Variants in DOCK1 observed in about 807,000 individuals in gnomAD.
DOCK1 encodes the protein dedicator of cytokinesis protein 1.
A neutral mutation model predicts 262.7 loss-of-function variants in DOCK1; 138 were observed. The observed-to-expected ratio is 0.53, with a 90% CI of 0.46 to 0.61. The LOEUF is 0.61. DOCK1 is among the 20% of genes least tolerant of loss of function. The pLI is 0.00. For synonymous variants in DOCK1, 866 were observed against 867.4 expected (o/e 1.00, Z 0.03); for missense variants, 1,908 against 2,370.7 (o/e 0.80, Z 4.05).
At chr10:127,418,641 T>C in intron 45 of DOCK1, 100 bp downstream of exon 45, 4 of 1,403,774 alleles carry the variant, frequency 2.8e-6, no homozygotes, top group Non-Finnish European at 3.8e-6. Flanking sequence ...CCTGGTCTCA[T>C]TGAGCAATCT....
chr10:127,341,194 A>G (rs2063409654), intron 30 of DOCK1, among the ~76,000 whole-genome samples: 1 of 152,182 alleles, frequency 6.6e-6, no homozygotes, highest in Middle Eastern at 3.2e-3. Flanking sequence ...CATTTCATGA[A>G]TAGATGACTC....
intron 47 of DOCK1, among the ~76,000 whole-genome samples, chr10:127,429,906 A>G (rs904929555): frequency 2.0e-5 from 3 of 151,958 alleles, no homozygotes; most frequent in African/African-American, 7.3e-5. Context: ...TGTGAAAAAG[A>G]GCTTTAGGTT....
chr10:126,923,451 C>A (rs2033398303), intron 1 of DOCK1, among the ~76,000 whole-genome samples: 1 of 151,804 alleles, frequency 6.6e-6, no homozygotes. Context: ...TGGTGAAACC[C>A]CATAACTACT....
At chr10:126,947,279 T>G (rs1186892867) in intron 1 of DOCK1, among the ~76,000 whole-genome samples, 1 of 146,068 alleles carries the variant, frequency 6.8e-6, no homozygotes, top group Non-Finnish European at 1.5e-5. Flanking sequence ...CTGTTGGTGG[T>G]GATGGTGGTG....
intron 27 of DOCK1, among the ~76,000 whole-genome samples, chr10:127,180,587 C>T (rs1441843761): frequency 1.3e-5 from 2 of 152,156 alleles, no homozygotes; most frequent in African/African-American, 4.8e-5. Context: ...GCTGTAAATA[C>T]ATAAACCCTG....
chr10:127,111,730 C>T (rs2048876817), intron 25 of DOCK1, among the ~76,000 whole-genome samples: 1 of 152,158 alleles, frequency 6.6e-6, no homozygotes, highest in South Asian at 2.1e-4. Context: ...ATGCTCCTAA[C>T]CATTCAATGC....
At chr10:126,954,822 C>T (rs1198873905) in intron 1 of DOCK1, among the ~76,000 whole-genome samples, 4 of 152,152 alleles carry the variant, frequency 2.6e-5, no homozygotes, top group Admixed American at 6.5e-5. Context: ...TTTATCCATT[C>T]ATCTGTTGAT....
chr10:127,114,131 T>C (rs2049031510), intron 25 of DOCK1, among the ~76,000 whole-genome samples: 1 of 152,184 alleles, frequency 6.6e-6, no homozygotes, highest in Admixed American at 6.5e-5. Flanking sequence ...TCTTACTTGC[T>C]TATTTGTAGG....
chr10:127,110,380 A>T, intron 25 of DOCK1, 26 bp downstream of exon 25: 1 of 1,581,936 alleles, frequency 6.3e-7, no homozygotes, highest in Admixed American at 1.7e-5. Context: ...AGAATTATTC[A>T]CTTGTCCTGT....
At chr10:127,109,192 G>A (rs1388395102) in intron 24 of DOCK1, among the ~76,000 whole-genome samples, 2 of 152,030 alleles carry the variant, frequency 1.3e-5, no homozygotes, top group African/African-American at 2.4e-5. Context: ...ACCAGTATAC[G>A]TTGGTGTCTG....
chr10:127,021,159 A>G (rs898809746), intron 13 of DOCK1, among the ~76,000 whole-genome samples: 26 of 152,124 alleles, frequency 1.7e-4, no homozygotes, highest in African/African-American at 4.8e-4. Context: ...GGAGTAACGC[A>G]CTTGAGGTGT....
At chr10:127,149,908 G>C (rs2052325380) in intron 27 of DOCK1, among the ~76,000 whole-genome samples, 1 of 152,146 alleles carries the variant, frequency 6.6e-6, no homozygotes, top group Non-Finnish European at 1.5e-5. Context: ...GAAAGTTCCT[G>C]AACTCCCGGA....
chr10:127,138,111 G>T (rs1325347022), intron 27 of DOCK1: 4 of 1,126,844 alleles, frequency 3.5e-6, no homozygotes, highest in Admixed American at 5.0e-5. Flanking sequence ...CATGATCAGT[G>T]TGTGTTTGTA....
At chr10:127,310,010 G>A (rs569541723) in intron 29 of DOCK1, among the ~76,000 whole-genome samples, 1 of 152,000 alleles carries the variant, frequency 6.6e-6, no homozygotes, top group East Asian at 1.9e-4. Flanking sequence ...CAAGTAGCTG[G>A]GACTACAAGC....
Position 127,354,577 on chromosome 10 carries a change from A to G in DOCK1, c.3225-92A>G, listed in dbSNP as rs186002713. 6.1e-6 allele frequency: 9 copies of G among 1,471,474 alleles called. No individual in the cohort carries two copies. The Admixed American group carries it at 1.4e-4, about 23-fold the overall frequency. 91.2% of individuals were successfully genotyped at this position (1,471,474 alleles called of 1,614,324 possible). A position where few individuals can be genotyped will look rare whatever the true frequency, so the allele number is the denominator to read the frequency against. On this transcript the variant is annotated intron_variant, in intron 31 of 51. Coordinates refer to ENST00000623213, the MANE Select transcript of DOCK1 (RefSeq NM_001290223.2). ...CACTCTCTTTATTTGCCTCAGTGCT[A>G]GAAGGCTTTAATTGCACTTAAAAAT...
intron 25 of DOCK1, among the ~76,000 whole-genome samples, chr10:127,116,728 C>G (rs758615045): frequency 4.6e-5 from 7 of 152,088 alleles, no homozygotes; most frequent in Non-Finnish European, 1.0e-4. Flanking sequence ...AAACCTGGAG[C>G]TACTCTGCAG....
At chr10:127,110,393 T>G (rs770946208) in intron 25 of DOCK1, 39 bp downstream of exon 25, 10 of 1,561,040 alleles carry the variant, frequency 6.4e-6, no homozygotes, top group Non-Finnish European at 8.7e-6. Context: ...TGTCCTGTTA[T>G]TTATTTTCTG....
At position 126,924,199 on chromosome 10, in the gene DOCK1, A is replaced by AACTGAGCGGGGGGACTTGAG. The variant is rs1564985702; in HGVS notation, c.46+18636_46+18637insACTGAGCGGGGGGACTTGAG. ...GCTGGAACTGAGCAGGGGGAACTGA[A>AACTGAGCGGGGGGACTTGAG]TGCTGGAACTGAGCAGGGGGAACTG... On this transcript the variant is annotated intron_variant, in intron 1 of 51. Coordinates refer to ENST00000623213, the MANE Select transcript of DOCK1 (RefSeq NM_001290223.2). Among the ~76,000 whole-genome samples, 154 of 114,526 alleles carry AACTGAGCGGGGGGACTTGAG rather than the reference A, an allele frequency of 1.3e-3. 4 individuals carry two copies. The highest frequency in any genetic ancestry group is 4.4e-3 in the African/African-American group (144 of 32,628). The allele number at this position is 114,526 out of a possible 152,430, so 75.1% of individuals were successfully genotyped here. A position where few individuals can be genotyped will look rare whatever the true frequency, so the allele number is the denominator to read the frequency against.
At chr10:127,074,014 A>G (rs2046376754) in intron 23 of DOCK1, among the ~76,000 whole-genome samples, 1 of 152,216 alleles carries the variant, frequency 6.6e-6, no homozygotes, top group African/African-American at 2.4e-5. Context: ...TGTCCCAGGA[A>G]ACGTTTTATT....
Sources: allele counts gnomAD v4.1 joint callset (sites outside exome capture counted in the v4.1 genomes callset), GRCh38; gene constraint gnomAD v4.1.1; transcripts MANE v1.5; gene names NCBI Gene and HGNC (gene_info 2026-07-23, HGNC 2026-07-21).